Variants in PHLPP1 observed in about 807,000 individuals in gnomAD.
The protein encoded by PHLPP1 is PH domain and leucine rich repeat protein phosphatase 1, also known as PH domain leucine-rich repeat-containing protein phosphatase 1.
A neutral mutation model predicts 117.2 loss-of-function variants in PHLPP1; 42 were observed. That is an observed-to-expected ratio of 0.36 (90% CI 0.28 to 0.46). The LOEUF is 0.46. Among genes scored for constraint, PHLPP1 ranks in the 20% least tolerant of loss-of-function variants. PHLPP1 has a pLI of 1.00. For synonymous variants in PHLPP1, 1,042 were observed against 970.7 expected, an observed-to-expected ratio of 1.07 and a Z score of -1.37; for missense variants, 2,084 against 2,241.9, an observed-to-expected ratio of 0.93 and a Z score of 1.42.
At chr18:62,917,257 C>G (rs1477367408) in intron 9 of PHLPP1, among the ~76,000 whole-genome samples, 1 of 150,198 alleles carries the variant, frequency 6.7e-6, no homozygotes, top group Non-Finnish European at 1.5e-5. Context: ...AGATAACTGA[C>G]ATTTTATCCA....
At chr18:62,787,350 T>G (rs1192226403) in intron 1 of PHLPP1, among the ~76,000 whole-genome samples, 1 of 152,166 alleles carries the variant, frequency 6.6e-6, no homozygotes, top group East Asian at 1.9e-4. Context: ...GTATTTTTAA[T>G]AGAGACGGGT....
chr18:62,903,974 T>C (rs1396351793), intron 7 of PHLPP1, among the ~76,000 whole-genome samples: 1 of 152,198 alleles, frequency 6.6e-6, no homozygotes, highest in Non-Finnish European at 1.5e-5. Flanking sequence ...CTACAGTCAG[T>C]AAACTGAATG....
intron 4 of PHLPP1, among the ~76,000 whole-genome samples, chr18:62,868,617 GT>G (rs1378735871): frequency 7.5e-6 from 1 of 133,146 alleles, no homozygotes; most frequent in Admixed American, 7.9e-5. Context: ...GCGAGACTCT[GT>G]CTCAAAAAAA....
intron 10 of PHLPP1, among the ~76,000 whole-genome samples, chr18:62,920,554 G>GTGTTTTT (rs1909428885): frequency 6.6e-6 from 1 of 152,028 alleles, no homozygotes; most frequent in Non-Finnish European, 1.5e-5. Flanking sequence ...GTTGTTGGTG[G>GTGTTTTT]TGTTTTTTGT....
chr18:62,775,652 G>T (rs1028813214), intron 1 of PHLPP1, among the ~76,000 whole-genome samples: 1 of 152,094 alleles, frequency 6.6e-6, no homozygotes, highest in African/African-American at 2.4e-5. Flanking sequence ...CTCGACTAAT[G>T]ACACTATCAT....
intron 13 of PHLPP1, among the ~76,000 whole-genome samples, chr18:62,960,805 C>CA (rs1441980707): frequency 1.3e-5 from 2 of 152,104 alleles, no homozygotes; most frequent in African/African-American, 4.8e-5. Flanking sequence ...TTTCCTATAG[C>CA]AAAAAATCAT....
At chr18:62,834,948 A>C (rs1245226696) in intron 2 of PHLPP1, among the ~76,000 whole-genome samples, 1 of 152,048 alleles carries the variant, frequency 6.6e-6, no homozygotes, top group African/African-American at 2.4e-5. Flanking sequence ...TTTTTAAAAA[A>C]TCGTATTTTC....
chr18:62,972,556 C>A lies in PHLPP1; in HGVS notation c.3603C>A (p.Asn1201Lys), dbSNP rs899479441. Reference sequence around the variant, plus strand: ...TGTCGGTGAATAACTTCTGTGACAACCGCGAAGCCCTGTATGGTGTGTTTG... The same window carrying A: ...TGTCGGTGAATAACTTCTGTGACAAACGCGAAGCCCTGTATGGTGTGTTTG... ...AALSVNNFCD[N>K]REALYGVFDG... The change falls in exon 15 of 17, where the codon AAC becomes AAA. Residue 1201 changes from asparagine (N) to lysine (K), a missense_variant. Asn to Lys is a moderately conservative substitution (Grantham distance 94). Transcript: ENST00000262719. The A allele has an allele frequency of 6.2e-7, 1 of 1,613,484 alleles. No homozygotes were observed. Among genetic ancestry groups the A allele is most frequent in the Admixed American group, 1.7e-5 (1 of 60,022 alleles).
intron 2 of PHLPP1, among the ~76,000 whole-genome samples, chr18:62,833,850 A>G (rs1914818975): frequency 6.6e-6 from 1 of 152,182 alleles, no homozygotes; most frequent in Non-Finnish European, 1.5e-5. Flanking sequence ...TGCTGCTGCT[A>G]TAGTCTCATG....
At chr18:62,769,710 A>T (rs1912688119) in intron 1 of PHLPP1, among the ~76,000 whole-genome samples, 1 of 152,240 alleles carries the variant, frequency 6.6e-6, no homozygotes, top group Non-Finnish European at 1.5e-5. Flanking sequence ...CTTTAATAAG[A>T]ATTTAAGCAT....
chr18:62,766,104 A>ATATATATATATATATATATATATAT (rs1289379653), intron 1 of PHLPP1, among the ~76,000 whole-genome samples: 6 of 40,972 alleles, frequency 1.5e-4, no homozygotes, highest in Non-Finnish European at 2.8e-4. Context: ...TATATATATA[A>ATATATATATATATATATATATATAT]AATATATATA....
At chr18:62,846,206 T>C (rs1488651528) in intron 3 of PHLPP1, among the ~76,000 whole-genome samples, 2 of 55,852 alleles carry the variant, frequency 3.6e-5, no homozygotes, top group Non-Finnish European at 6.8e-5. Context: ...CAAAACTCCA[T>C]CTCAAAAAAA....
chr18:62,898,939 CA>C (rs1425285433), intron 6 of PHLPP1, among the ~76,000 whole-genome samples: 1 of 151,962 alleles, frequency 6.6e-6, no homozygotes, highest in Non-Finnish European at 1.5e-5. Flanking sequence ...ACTGGGATTA[CA>C]GGCGCCCATC....
chr18:62,785,765 C>T (rs995162116), intron 1 of PHLPP1, among the ~76,000 whole-genome samples: 1 of 152,040 alleles, frequency 6.6e-6, no homozygotes, highest in African/African-American at 2.4e-5. Flanking sequence ...AATATGCTGT[C>T]GGTTTAATTT....
chr18:62,876,722 C>G lies in PHLPP1; in HGVS notation c.2066+16121C>G, dbSNP rs532193303. On this transcript the variant is annotated intron_variant, in intron 4 of 16. Coordinates refer to ENST00000262719, the MANE Select transcript of PHLPP1 (RefSeq NM_194449.4). The stretch of plus-strand genomic sequence containing the variant: ...TCAGTCACTTAGAATGATTATTGAT[C>G]AACCACATTGCATTATGTGGCACCT... 3.5e-4 allele frequency among the ~76,000 whole-genome samples: 53 copies of G among 152,308 alleles called. No individual in the cohort carries two copies. In the South Asian group the frequency reaches 8.9e-3, roughly 26 times the overall value.
chr18:62,912,680 C>T lies in PHLPP1; in HGVS notation c.2709-2233C>T, dbSNP rs1312922848. Among the ~76,000 whole-genome samples, 12 of 152,126 alleles carry T rather than the reference C, an allele frequency of 7.9e-5. No homozygotes were observed. The East Asian group carries it at 1.5e-3, about 20-fold the overall frequency. The stretch of plus-strand genomic sequence containing the variant: ...TGTTGCCTAGGCTGGAGTGCAGTGG[C>T]GCAATCTTGGCTCACTGCAACCTCT... On this transcript the variant is annotated intron_variant, in intron 8 of 16. Transcript: ENST00000262719.
intron 3 of PHLPP1, among the ~76,000 whole-genome samples, chr18:62,848,326 C>T (rs1299449228): frequency 6.6e-6 from 1 of 151,944 alleles, no homozygotes; most frequent in African/African-American, 2.4e-5. Context: ...ATAGTGACAA[C>T]AATAATGCAC....
intron 12 of PHLPP1, among the ~76,000 whole-genome samples, chr18:62,958,017 T>G (rs842026): frequency 0.56 from 85,563 of 151,964 alleles, 25,161 homozygotes; most frequent in African/African-American, 0.73. Flanking sequence ...GCACCTACCG[T>G]ATTCAAGTGA....
chr18:62,863,095 A>G (rs1194542548), intron 4 of PHLPP1, among the ~76,000 whole-genome samples: 2 of 151,734 alleles, frequency 1.3e-5, no homozygotes, highest in African/African-American at 2.4e-5. Flanking sequence ...AAGAAAGTAA[A>G]GGAATAAAGA....
Sources: gnomAD v4.1 joint callset for allele counts (sites outside exome capture counted in the v4.1 genomes callset) on GRCh38, gnomAD v4.1.1 for gene constraint, MANE v1.5 for transcripts, NCBI Gene and HGNC (gene_info 2026-07-23, HGNC 2026-07-21) for gene names.